Variants in ACVR1C observed in about 807,000 individuals in gnomAD.
ACVR1C encodes the protein activin A receptor type 1C.
Under a neutral mutation model 57.9 loss-of-function variants are expected in ACVR1C, and 23 were observed. That is an observed-to-expected ratio of 0.40 (90% confidence interval 0.29 to 0.56). The LOEUF (loss-of-function observed/expected upper bound fraction) is 0.56. Ranked by LOEUF, ACVR1C falls within the 20% of genes least tolerant of loss-of-function variation. The pLI, the probability that ACVR1C is intolerant of heterozygous loss-of-function variation, is 0.50. For synonymous variants in ACVR1C, 214 were observed against 215.3 expected, an observed-to-expected ratio of 0.99 and a Z score of 0.05; for missense variants, 480 against 607.9, an observed-to-expected ratio of 0.79 and a Z score of 2.21.
chr2:157,558,554 T>C (rs1293573976), intron 2 of ACVR1C, among the ~76,000 whole-genome samples: 1 of 152,228 alleles, frequency 6.6e-6, no homozygotes, highest in Non-Finnish European at 1.5e-5. Context: ...GATTTAAAAT[T>C]GTTAAGTGAA....
intron 7 of ACVR1C, 69 bp downstream of exon 7, chr2:157,541,021 T>C (rs1229462167): frequency 3.7e-5 from 56 of 1,525,606 alleles, no homozygotes; most frequent in South Asian, 1.2e-5. Context: ...GGGAAAAAGA[T>C]AGAATATCAC....
chr2:157,581,998 A>G (rs908417070), intron 2 of ACVR1C, among the ~76,000 whole-genome samples: 1 of 152,150 alleles, frequency 6.6e-6, no homozygotes, highest in African/African-American at 2.4e-5. Context: ...GCTCAGCCTG[A>G]AAGTCCGCAA....
At chr2:157,628,135 C>T (rs1286493844) in intron 1 of ACVR1C, among the ~76,000 whole-genome samples, 10 of 152,196 alleles carry the variant, frequency 6.6e-5, no homozygotes, top group Non-Finnish European at 4.4e-5. Flanking sequence ...CACCATGCCA[C>T]CATCCTTGAG....
intron 2 of ACVR1C, among the ~76,000 whole-genome samples, chr2:157,581,095 C>T (rs1012051451): frequency 6.6e-6 from 1 of 151,972 alleles, no homozygotes; most frequent in Non-Finnish European, 1.5e-5. Context: ...GTTGGTAACA[C>T]CCCCCAAGAA....
intron 1 of ACVR1C, among the ~76,000 whole-genome samples, chr2:157,609,308 T>G (rs1185381681): frequency 4.6e-5 from 7 of 152,026 alleles, no homozygotes; most frequent in Non-Finnish European, 8.8e-5. Flanking sequence ...ATTTCTAGTT[T>G]TATTCTATTG....
At chr2:157,550,085 C>A (rs1277723985) in intron 4 of ACVR1C, 77 bp downstream of exon 4, 55 of 1,243,392 alleles carry the variant, frequency 4.4e-5, no homozygotes, top group South Asian at 2.4e-4. Context: ...TGATACTAGA[C>A]AACATTTTTT....
intron 2 of ACVR1C, among the ~76,000 whole-genome samples, chr2:157,560,802 C>T (rs545415993): frequency 3.9e-5 from 6 of 152,326 alleles, no homozygotes; most frequent in South Asian, 2.1e-4. Context: ...AAATATCTTT[C>T]CTCTAAATTA....
At chr2:157,617,590 C>T (rs1682682639) in intron 1 of ACVR1C, among the ~76,000 whole-genome samples, 1 of 151,968 alleles carries the variant, frequency 6.6e-6, no homozygotes, top group Admixed American at 6.6e-5. Context: ...CTCAAAATTT[C>T]ATGAGTACAC....
In ACVR1C at chr2:157,628,174, G is replaced by C. The variant is rs973002708; in HGVS notation, c.73+398C>G. Among the ~76,000 whole-genome samples the C allele has an allele frequency of 2.6e-5, 4 of 152,202 alleles. No homozygotes were observed. In the East Asian group the frequency reaches 5.8e-4, roughly 22 times the overall value. On this transcript the variant is annotated intron_variant, in intron 1 of 8. Transcript: ENST00000243349. ...CTCTCAGGGGCTTAGCACAGAGCGC[G>C]TCCGACGCATACCTGCAGCCCTCCA...
In ACVR1C at chr2:157,531,445, A is replaced by G. The variant is rs998152345; in HGVS notation, c.*2473T>C. On this transcript the variant is annotated 3_prime_UTR_variant, in exon 9 of 9. Coordinates refer to ENST00000243349, the MANE Select transcript of ACVR1C (RefSeq NM_145259.3). The stretch of plus-strand genomic sequence containing the variant: ...TCAGAGTGAAAGTTGAACCAATAAA[A>G]TATGAAATTATATTTAGACACCCTC... The G allele has an allele frequency of 4.6e-5, 7 of 152,094 alleles. No individual in the cohort carries two copies. Among genetic ancestry groups the G allele is most frequent in the Admixed American group, 6.6e-5 (1 of 15,262 alleles). The allele number at this position is 152,094 out of a possible 1,614,324, so 9.4% of individuals were successfully genotyped here. A position where few individuals can be genotyped will look rare whatever the true frequency, so the allele number is the denominator to read the frequency against.
At chr2:157,596,293 A>G (rs1041234816) in intron 1 of ACVR1C, among the ~76,000 whole-genome samples, 2 of 151,874 alleles carry the variant, frequency 1.3e-5, no homozygotes, top group African/African-American at 4.8e-5. Context: ...TTTCATATTT[A>G]TTTGCTTTTT....
In ACVR1C at chr2:157,572,465, A is replaced by G. The variant is rs184304797; in HGVS notation, c.304+14722T>C. On this transcript the variant is annotated intron_variant, in intron 2 of 8. Coordinates refer to ENST00000243349, the MANE Select transcript of ACVR1C (RefSeq NM_145259.3). ...CAGCTTGCTCACTTGGAAAAAACTGATGTGAAATAATCACATTTTGACCTA... is the reference window on the plus strand; with the variant it reads ...CAGCTTGCTCACTTGGAAAAAACTGGTGTGAAATAATCACATTTTGACCTA... 6.3e-3 allele frequency among the ~76,000 whole-genome samples: 965 copies of G among 152,240 alleles called. 5 individuals carry two copies. The highest frequency in any genetic ancestry group is 8.9e-3 in the South Asian group (43 of 4,818).
rs757183893 is a variant in ACVR1C, at chr2:157,527,067, A to G, written c.*6851T>C. ...TAAATTCTAAAACACTATTATTTCT[A>G]AATAAAATAAGTCTATACATATTAC... On this transcript the variant is annotated 3_prime_UTR_variant, in exon 9 of 9. Coordinates refer to ENST00000243349, the MANE Select transcript of ACVR1C (RefSeq NM_145259.3). 2 of 152,166 alleles carry G rather than the reference A, an allele frequency of 1.3e-5. No individual in the cohort carries two copies. Among genetic ancestry groups the G allele is most frequent in the Non-Finnish European group, 2.9e-5 (2 of 68,006 alleles). 9.4% of individuals were successfully genotyped at this position (152,166 alleles called of 1,614,324 possible). A position where few individuals can be genotyped will look rare whatever the true frequency, so the allele number is the denominator to read the frequency against.
intron 2 of ACVR1C, among the ~76,000 whole-genome samples, chr2:157,577,658 G>C (rs1034199730): frequency 6.6e-6 from 1 of 151,838 alleles, no homozygotes; most frequent in African/African-American, 2.4e-5. Context: ...CTTTATTTTA[G>C]ATACATATTT....
Position 157,542,852 on chromosome 2 carries a change from A to G in ACVR1C, c.954T>C (p.Ala318=). 6.2e-7 allele frequency: 1 copy of G among 1,613,998 alleles called. No individual in the cohort carries two copies. Among genetic ancestry groups the G allele is most frequent in the South Asian group, 1.1e-5 (1 of 91,074 alleles). ...TTGATTTTATGTCTCGATGAGCAATAGCAGGTTTACCTATGAAGCAAAGAA... is the reference window on the plus strand; with the variant it reads ...TTGATTTTATGTCTCGATGAGCAATGGCAGGTTTACCTATGAAGCAAAGAA... ...MEIVGTQGKP[A]IAHRDIKSKN... Residue 318 remains alanine, a synonymous_variant, in exon 6 of 9, where the codon GCT becomes GCC. Coordinates refer to ENST00000243349, the MANE Select transcript of ACVR1C (RefSeq NM_145259.3).
At chr2:157,625,889 C>G (rs186688156) in intron 1 of ACVR1C, among the ~76,000 whole-genome samples, 91 of 152,204 alleles carry the variant, frequency 6.0e-4, no homozygotes, top group African/African-American at 2.1e-3. Context: ...TATTGTGAAG[C>G]CATGTCAGGT....
rs1018535005 is a variant in ACVR1C, at chr2:157,598,507, G to A, written c.74-11090C>T. 2.7e-5 allele frequency among the ~76,000 whole-genome samples: 4 copies of A among 150,404 alleles called. No homozygotes were observed. In the East Asian group the frequency reaches 5.8e-4, roughly 22 times the overall value. ...ATTTCAAATGTGGATAAACATAATT[G>A]TATTTTATAATGTTACATTTATTTT... is the stretch of plus-strand genomic sequence containing the variant. On this transcript the variant is annotated intron_variant, in intron 1 of 8. Coordinates refer to ENST00000243349, the MANE Select transcript of ACVR1C (RefSeq NM_145259.3).
At position 157,554,272 on chromosome 2, in the gene ACVR1C, G is replaced by GAAAGAAAGAAAGA. The variant is rs1491411690; in HGVS notation, c.544+1820_544+1821insTCTTTCTTTCTTT. 4.6e-3 allele frequency among the ~76,000 whole-genome samples: 219 copies of GAAAGAAAGAAAGA among 47,464 alleles called. 2 individuals are homozygous for GAAAGAAAGAAAGA. The highest frequency in any genetic ancestry group is 0.011 in the East Asian group (12 of 1,130). The allele number at this position is 47,464 out of a possible 152,430, so 31.1% of individuals were successfully genotyped here. ...GAAAGAAAGAAAGAAAGAAAGAAAGGAAGGAAGGAAGAGAGAGAGAGAGAG... is the reference window on the plus strand; with the variant it reads ...GAAAGAAAGAAAGAAAGAAAGAAAGGAAAGAAAGAAAGAAAGGAAGGAAGAGAGAGAGAGAGAG... On this transcript the variant is annotated intron_variant, in intron 3 of 8. Transcript: ENST00000243349.
Position 157,541,128 on chromosome 2 carries a change from A to C in ACVR1C, c.1187T>G (p.Leu396Arg). The C allele has an allele frequency of 6.2e-7, 1 of 1,614,084 alleles. No homozygotes were observed. Residue 396 changes from leucine (L) to arginine (R), a missense_variant, in exon 7 of 9, where the codon CTG becomes CGG. Leu to Arg is a moderately radical substitution (Grantham distance 102, BLOSUM62 -2). Coordinates refer to ENST00000243349, the MANE Select transcript of ACVR1C (RefSeq NM_145259.3). Reference protein sequence around the residue: ...FKRADIYSVGLVYWEIARRCS... With the variant: ...FKRADIYSVGRVYWEIARRCS... Reference sequence around the variant, plus strand: ...CCTCCGGGCTATTTCCCAGTAAACCAGACCAACAGAATAGATGTCAGCTCG... The same window carrying C: ...CCTCCGGGCTATTTCCCAGTAAACCCGACCAACAGAATAGATGTCAGCTCG...
Sources: gnomAD v4.1 joint callset for allele counts (sites outside exome capture counted in the v4.1 genomes callset) on GRCh38, gnomAD v4.1.1 for gene constraint, MANE v1.5 for transcripts, NCBI Gene and HGNC (gene_info 2026-07-23, HGNC 2026-07-21) for gene names.